Variants in NUDT13 observed in about 807,000 individuals in gnomAD.
NUDT13 encodes NAD(P)H pyrophosphatase NUDT13, mitochondrial.
In NUDT13, 40 loss-of-function variants were observed where a neutral mutation model predicts 41.7. The observed-to-expected ratio is 0.96, with a 90% CI of 0.75 to 1.25. The LOEUF is 1.25. Ranked by LOEUF, NUDT13 falls within the 50% of genes most tolerant of loss-of-function variation. The pLI, the probability that NUDT13 is intolerant of heterozygous loss-of-function variation, is 0.00. For missense variants in NUDT13, 390 were observed against 416.1 expected (o/e 0.94, Z 0.55); for synonymous variants, 145 against 155.5 (o/e 0.93, Z 0.50).
intron 1 of NUDT13, among the ~76,000 whole-genome samples, chr10:73,112,277 C>A (rs1170568624): frequency 6.6e-6 from 1 of 151,968 alleles, no homozygotes; most frequent in Non-Finnish European, 1.5e-5. Context: ...CGCTTGAACC[C>A]GGGAGGTGGA....
intron 3 of NUDT13, 21 bp from the exon 4 acceptor site, chr10:73,122,154 C>A: frequency 3.7e-6 from 6 of 1,608,576 alleles, no homozygotes; most frequent in Non-Finnish European, 5.1e-6. Context: ...GCTTTTCTCC[C>A]TTCCCCTTTC....
At chr10:73,119,943 A>G in intron 2 of NUDT13, 75 bp from the exon 3 acceptor site, 9 of 1,419,204 alleles carry the variant, frequency 6.3e-6, no homozygotes, top group Non-Finnish European at 8.9e-6. Flanking sequence ...ATGCAGCGAC[A>G]GCATTCTCAA....
At chr10:73,120,237 G>T in intron 3 of NUDT13, 80 bp downstream of exon 3, 5 of 1,462,870 alleles carry the variant, frequency 3.4e-6, no homozygotes, top group Non-Finnish European at 3.7e-6. Flanking sequence ...TTCTAAGAAA[G>T]ATCCTTGAAC....
intron 7 of NUDT13, 168 bp downstream of exon 7, chr10:73,125,677 A>ATATATATATATAT (rs1491142220): frequency 4.2e-5 from 7 of 167,282 alleles, no homozygotes; most frequent in East Asian, 1.3e-4. Flanking sequence ...ATATATATAT[A>ATATATATATATAT]AAATTTTTTC....
intron 7 of NUDT13, 146 bp downstream of exon 7, chr10:73,125,655 A>ATT (rs1270061765): frequency 3.1e-5 from 4 of 127,018 alleles, no homozygotes; most frequent in African/African-American, 1.5e-4. Context: ...GGCATTTTAT[A>ATT]TATATATATA....
chr10:73,112,718 C>T (rs1403706859), intron 1 of NUDT13, among the ~76,000 whole-genome samples: 2 of 151,824 alleles, frequency 1.3e-5, no homozygotes, highest in Non-Finnish European at 2.9e-5. Context: ...TACCATACAA[C>T]ACAATAGATA....
intron 1 of NUDT13, among the ~76,000 whole-genome samples, chr10:73,113,312 C>A (rs766546133): frequency 3.3e-5 from 5 of 152,184 alleles, no homozygotes; most frequent in Admixed American, 6.5e-5. Flanking sequence ...AAAAGAGAGG[C>A]TTATTATTTG....
At chr10:73,128,602 T>G (rs1842844735) in intron 8 of NUDT13, among the ~76,000 whole-genome samples, 1 of 152,204 alleles carries the variant, frequency 6.6e-6, no homozygotes, top group Non-Finnish European at 1.5e-5. Context: ...TTTTTGGTAT[T>G]AAGTTGTAGA....
In NUDT13 at chr10:73,114,339, CTTTT is replaced by C. The variant is rs5786099; in HGVS notation, c.-9-7_-9-4del. The C allele has an allele frequency of 4.6e-5, 50 of 1,080,846 alleles. No individual in the cohort carries two copies. Among genetic ancestry groups the C allele is most frequent in the Admixed American group, 1.3e-4 (5 of 39,748 alleles). The allele number at this position is 1,080,846 out of a possible 1,614,324, so 67.0% of individuals were successfully genotyped here. A position where few individuals can be genotyped will look rare whatever the true frequency, so the allele number is the denominator to read the frequency against. ...CATATTATGACTTTTTTTAAAACTC[CTTTT>C]TTTTTTTTTTAAGGACCTGACAATG... On this transcript the variant is annotated splice_polypyrimidine_tract_variant and intron_variant, in intron 1 of 8. Transcript: ENST00000357321.
chr10:73,114,479 TTC>T (rs754974842), intron 2 of NUDT13, 31 bp downstream of exon 2: 2 of 1,255,334 alleles, frequency 1.6e-6, no homozygotes, highest in Non-Finnish European at 2.3e-6. Context: ...GCTTTGATTA[TTC>T]TGTTTGGCCC....
intron 2 of NUDT13, chr10:73,119,360 A>C: frequency 3.5e-4 from 98 of 277,188 alleles, no homozygotes; most frequent in Non-Finnish European, 4.9e-4. Flanking sequence ...TCCCTTTGCT[A>C]GAGATAAGGA....
chr10:73,126,871 C>A, intron 8 of NUDT13, 44 bp downstream of exon 8: 1 of 1,545,028 alleles, frequency 6.5e-7, no homozygotes, highest in South Asian at 1.1e-5. Flanking sequence ...TCTTTTGCTT[C>A]ATCCAACCTG....
chr10:73,115,855 T>A (rs1254291127), intron 2 of NUDT13, among the ~76,000 whole-genome samples: 1 of 151,956 alleles, frequency 6.6e-6, no homozygotes, highest in East Asian at 1.9e-4. Flanking sequence ...CAATAGCACA[T>A]GAAGATGATA....
chr10:73,130,755 A>C lies in NUDT13; in HGVS notation c.911A>C (p.Glu304Ala). 3.1e-6 allele frequency: 5 copies of C among 1,613,980 alleles called. No homozygotes were observed. The highest frequency in any genetic ancestry group is 4.2e-6 in the Non-Finnish European group (5 of 1,179,946). ...LETAAWFSHD[E>A]VATALKRKGP... ...ACAGCTGCCTGGTTCAGTCATGATG[A>C]GGTAGCCACAGCCCTGAAGAGAAAG... The change falls in exon 9 of 9, where the codon GAG becomes GCG. Residue 304 changes from glutamate to alanine, a missense_variant. Glu to Ala is a moderately radical substitution (Grantham distance 107). Transcript: ENST00000357321.
At chr10:73,130,469 A>T (rs759533685) in intron 8 of NUDT13, 100 of 164,116 alleles carry the variant, frequency 6.1e-4, no homozygotes, top group East Asian at 4.4e-3. Context: ...TCTAAAAAAA[A>T]AAAAATATAT....
intron 2 of NUDT13, chr10:73,119,436 C>G (rs984662672): frequency 1.0e-6 from 1 of 961,928 alleles, no homozygotes; most frequent in Non-Finnish European, 1.2e-6. Context: ...AAAATTTGTT[C>G]TTTATCTTCC....
Position 73,122,193 on chromosome 10 carries a change from G to A in NUDT13, c.242G>A (p.Gly81Asp), listed in dbSNP as rs34284214. ...HSLLELERLL[G>D]KFGQDAQRIE... ...TTCTTAGAGTTGGAAAGGCTCCTGG[G>A]TAAATTTGGACAGGATGCACAAAGA... The change falls in exon 4 of 9, where the codon GGT (glycine) becomes GAT (aspartate). Residue 81 changes from glycine to aspartate, a missense_variant. Transcript: ENST00000357321. 0.04 allele frequency: 64,962 copies of A among 1,612,940 alleles called. 1,640 individuals carry two copies. The highest frequency in any genetic ancestry group is 0.049 in the Non-Finnish European group (57,779 of 1,179,576).
chr10:73,125,030 G>C, intron 5 of NUDT13, 88 bp from the exon 6 acceptor site: 2 of 1,429,680 alleles, frequency 1.4e-6, no homozygotes, highest in Non-Finnish European at 1.9e-6. Context: ...ATTTTTCTGT[G>C]AGTTGTTCCA....
Position 73,131,206 on chromosome 10 carries a change from G to T in NUDT13, c.*303G>T. 3.7e-6 allele frequency: 1 copy of T among 267,328 alleles called. No individual in the cohort carries two copies. Among genetic ancestry groups the T allele is most frequent in the Admixed American group, 4.5e-5 (1 of 22,368 alleles). 16.6% of individuals were successfully genotyped at this position (267,328 alleles called of 1,614,324 possible). On this transcript the variant is annotated 3_prime_UTR_variant, in exon 9 of 9. Coordinates refer to ENST00000357321, the MANE Select transcript of NUDT13 (RefSeq NM_015901.6). ...GTTCAGTCATTTTCTCTAAGGCCTT[G>T]GAAGCAAACATCTTCTGGCATATGG...
Sources: gnomAD v4.1 joint callset for allele counts (sites outside exome capture counted in the v4.1 genomes callset) on GRCh38, gnomAD v4.1.1 for gene constraint, MANE v1.5 for transcripts, NCBI Gene and HGNC (gene_info 2026-07-23, HGNC 2026-07-21) for gene names.